Variants in TRIM5 observed in about 807,000 individuals in gnomAD.
TRIM5 encodes the protein tripartite motif-containing protein 5.
Under a neutral mutation model 35.6 loss-of-function variants are expected in TRIM5, and 31 were observed. That is an observed-to-expected ratio of 0.87 (90% CI 0.65 to 1.18). The LOEUF is 1.18. TRIM5 is among the 50% of genes most tolerant of loss of function. The pLI, the probability that TRIM5 is intolerant of heterozygous loss-of-function variation, is 0.00. For synonymous variants in TRIM5, 243 were observed against 215.6 expected (o/e 1.13, Z -1.11); for missense variants, 609 against 591.6 (o/e 1.03, Z -0.31).
At chr11:5,674,885 C>G (rs148581114) in intron 4 of TRIM5, among the ~76,000 whole-genome samples, 1 of 152,268 alleles carries the variant, frequency 6.6e-6, no homozygotes, top group Admixed American at 6.5e-5. Context: ...TTTCCAGGAG[C>G]TGGGGTGTAG....
the TRIM5 span, among the ~76,000 whole-genome samples, chr11:5,606,727 T>C: frequency 6.6e-6 from 1 of 152,216 alleles, no homozygotes; most frequent in Non-Finnish European, 1.5e-5. Context: ...AAATATTTTT[T>C]AAATGCAAAT....
chr11:5,640,382 T>A, the TRIM5 span, among the ~76,000 whole-genome samples: 1 of 152,206 alleles, frequency 6.6e-6, no homozygotes. Context: ...TTCATGTCTA[T>A]TGAGATCATC....
chr11:5,639,705 A>AAAGATTGG, the TRIM5 span, among the ~76,000 whole-genome samples: 1 of 144,450 alleles, frequency 6.9e-6, no homozygotes, highest in African/African-American at 2.8e-5. Context: ...AAAAAAAAAA[A>AAAGATTGG]AAGATTGGAA....
the TRIM5 span, among the ~76,000 whole-genome samples, chr11:5,652,852 C>CTTTTTTTTT: frequency 7.0e-6 from 1 of 143,658 alleles, no homozygotes; most frequent in African/African-American, 2.6e-5. Context: ...TTTTCTTTTT[C>CTTTTTTTTT]TTTTTTTTTT....
intron 4 of TRIM5, among the ~76,000 whole-genome samples, chr11:5,671,566 G>T (rs1055393765): frequency 2.0e-5 from 3 of 151,820 alleles, no homozygotes; most frequent in Non-Finnish European, 4.4e-5. Flanking sequence ...TGCTAAAAGT[G>T]CTCCACAGCA....
At chr11:5,608,528 G>A in the TRIM5 span, 1 of 1,385,284 alleles carries the variant, frequency 7.2e-7, no homozygotes, top group Non-Finnish European at 9.7e-7. Flanking sequence ...GCATCACATG[G>A]AGTTTTGGCA....
At chr11:5,612,250 ATTACTTTGTTTTTGTATAAGTATG>A in the TRIM5 span, 1 of 152,216 alleles carries the variant, frequency 6.6e-6, no homozygotes. Flanking sequence ...AAGCAAATAA[ATTACTTTGTTTTTGTATAAGTATG>A]TATAGGATTG....
chr11:5,677,059 TA>T (rs995812554), intron 4 of TRIM5, among the ~76,000 whole-genome samples: 1 of 152,128 alleles, frequency 6.6e-6, no homozygotes, highest in African/African-American at 2.4e-5. Flanking sequence ...ACTTCATGTC[TA>T]AAACACCAAA....
chr11:5,676,008 A>C (rs1455228722), intron 4 of TRIM5, among the ~76,000 whole-genome samples: 2 of 134,456 alleles, frequency 1.5e-5, no homozygotes, highest in Non-Finnish European at 3.3e-5. Flanking sequence ...AATTTCATCC[A>C]TGTCCCTACA....
At chr11:5,611,114 G>A in the TRIM5 span, 1 of 1,614,088 alleles carries the variant, frequency 6.2e-7, no homozygotes, top group Non-Finnish European at 8.5e-7. Context: ...ATGAATATAG[G>A]GCCTATGAGG....
the TRIM5 span, among the ~76,000 whole-genome samples, chr11:5,626,305 G>C: frequency 6.6e-6 from 1 of 152,182 alleles, no homozygotes; most frequent in Non-Finnish European, 1.5e-5. Context: ...AGTGATCATA[G>C]ACCATATCGA....
the TRIM5 span, among the ~76,000 whole-genome samples, chr11:5,598,975 C>G: frequency 3.9e-5 from 6 of 152,112 alleles, no homozygotes; most frequent in African/African-American, 1.4e-4. Context: ...ACTTTTCTCC[C>G]ACTCCTGGGC....
chr11:5,658,394 A>G (rs1204213604), downstream of TRIM5, among the ~76,000 whole-genome samples: 2 of 151,954 alleles, frequency 1.3e-5, no homozygotes, highest in Non-Finnish European at 2.9e-5. Context: ...TCGATAAAAA[A>G]CCTTGCACTC....
At chr11:5,643,236 C>T in the TRIM5 span, 28 of 1,613,188 alleles carry the variant, frequency 1.7e-5, no homozygotes, top group Non-Finnish European at 2.2e-5. Flanking sequence ...TTGGCCTTTT[C>T]AGTGTTATAA....
chr11:5,658,845 C>T (rs921920447), downstream of TRIM5, among the ~76,000 whole-genome samples: 1 of 152,152 alleles, frequency 6.6e-6, no homozygotes, highest in Non-Finnish European at 1.5e-5. Flanking sequence ...AGTTCATGTC[C>T]TTTGCAGGGA....
chr11:5,611,206 T>C, the TRIM5 span: 1 of 1,614,052 alleles, frequency 6.2e-7, no homozygotes, highest in Non-Finnish European at 8.5e-7. Context: ...GCTGGTACTG[T>C]CTCCTTTTAT....
the TRIM5 span, among the ~76,000 whole-genome samples, chr11:5,640,935 A>C: frequency 1.0e-4 from 2 of 19,906 alleles, no homozygotes; most frequent in Non-Finnish European, 3.8e-4. Context: ...GTTGGCATAC[A>C]GTTGCTCATT....
the TRIM5 span, among the ~76,000 whole-genome samples, chr11:5,641,513 T>C: frequency 7.9e-5 from 12 of 152,212 alleles, no homozygotes; most frequent in Non-Finnish European, 1.6e-4. Flanking sequence ...CCTGGATCTT[T>C]TATTTTATAT....
At chr11:5,683,596 C>A (rs964721236) in intron 1 of TRIM5, among the ~76,000 whole-genome samples, 13 of 152,076 alleles carry the variant, frequency 8.5e-5, no homozygotes, top group Middle Eastern at 3.2e-3. Flanking sequence ...CCAATCAGCA[C>A]CCTGTGTCTA....
Sources: gnomAD v4.1 joint callset for allele counts (sites outside exome capture counted in the v4.1 genomes callset) on GRCh38, gnomAD v4.1.1 for gene constraint, MANE v1.5 for transcripts, NCBI Gene and HGNC (gene_info 2026-07-23, HGNC 2026-07-21) for gene names.